ARMC3: variants seen among roughly 807,000 people sequenced by gnomAD.
The protein encoded by ARMC3 is armadillo repeat containing 3, also known as armadillo repeat-containing protein 3.
A neutral mutation model predicts 90.3 loss-of-function variants in ARMC3; 74 were observed. The ratio of observed to expected loss-of-function variants is 0.82; its 90% CI spans 0.68 to 0.99. The LOEUF (loss-of-function observed/expected upper bound fraction) is 0.99, where lower values mean the gene tolerates loss of function less well. ARMC3 is among the 50% of genes least tolerant of loss of function. The pLI, the probability that ARMC3 is intolerant of heterozygous loss-of-function variation, is 0.00. For missense variants in ARMC3, 958 were observed against 1,042.8 expected (o/e 0.92, Z 1.12); for synonymous variants, 334 against 361.8 (o/e 0.92, Z 0.87).
chr10:22,942,458 T>A (rs983298420), intron 2 of ARMC3, among the ~76,000 whole-genome samples: 13 of 152,224 alleles, frequency 8.5e-5, no homozygotes, highest in Non-Finnish European at 1.8e-4. Flanking sequence ...ACACTTCTCT[T>A]CTGCCTAGGA....
In ARMC3 at chr10:22,944,161, G is replaced by C. The variant is rs562251605; in HGVS notation, c.49-1983G>C. ...GAACATCTGAATGACAACCTAGCCA[G>C]ACATAAAATTCCAGAGTCACAATCC... On this transcript the variant is annotated intron_variant, in intron 2 of 18. Transcript: ENST00000298032. Among the ~76,000 whole-genome samples, 83 of 152,250 alleles carry C rather than the reference G, an allele frequency of 5.5e-4. 1 individual carries two copies. The Middle Eastern group carries it at 0.014, about 25-fold the overall frequency.
intron 7 of ARMC3, among the ~76,000 whole-genome samples, chr10:22,962,972 A>G (rs192733286): frequency 1.4e-4 from 21 of 152,302 alleles, no homozygotes; most frequent in Admixed American, 1.2e-3. Context: ...TAGTAACACT[A>G]TATAGTACAC....
intron 13 of ARMC3, among the ~76,000 whole-genome samples, chr10:23,005,211 C>CAAAA (rs35706584): frequency 1.8e-4 from 11 of 60,926 alleles, no homozygotes; most frequent in African/African-American, 2.1e-4. Flanking sequence ...AGACTCGTCT[C>CAAAA]AAAAAAAAAA....
At chr10:22,977,158 A>G (rs1390589816) in intron 8 of ARMC3, among the ~76,000 whole-genome samples, 2 of 152,208 alleles carry the variant, frequency 1.3e-5, no homozygotes, top group African/African-American at 2.4e-5. Context: ...TGTTCTTCAA[A>G]TGGCTAGATT....
intron 16 of ARMC3, among the ~76,000 whole-genome samples, chr10:23,009,499 T>TTTTG (rs1431729510): frequency 6.6e-6 from 1 of 152,078 alleles, no homozygotes; most frequent in African/African-American, 2.4e-5. Flanking sequence ...TTTTGTTTTG[T>TTTTG]TTTGTTTTCT....
intron 1 of ARMC3, among the ~76,000 whole-genome samples, chr10:22,930,798 A>G (rs2131110295): frequency 6.6e-6 from 1 of 152,332 alleles, no homozygotes; most frequent in South Asian, 2.1e-4. Flanking sequence ...AGGCTATGAT[A>G]TACCGTTTAA....
chr10:22,940,945 C>T (rs569454800), intron 2 of ARMC3, among the ~76,000 whole-genome samples: 1 of 152,116 alleles, frequency 6.6e-6, no homozygotes, highest in African/African-American at 2.4e-5. Flanking sequence ...CTTGAAACAA[C>T]CCAGAGGTCT....
At chr10:23,018,917 T>G (rs1280451806) in intron 16 of ARMC3, among the ~76,000 whole-genome samples, 1 of 152,174 alleles carries the variant, frequency 6.6e-6, no homozygotes, top group Non-Finnish European at 1.5e-5. Flanking sequence ...GTGACTCCCC[T>G]GACCCCTGCA....
In ARMC3 at chr10:23,037,589, T is replaced by C. The variant is rs946273717; in HGVS notation, c.*110T>C. On this transcript the variant is annotated 3_prime_UTR_variant, in exon 19 of 19. Transcript: ENST00000298032. The stretch of plus-strand genomic sequence containing the variant: ...TTTAAATAAAAACTTTAAATAAAAG[T>C]ATTAGAAATGTTTTCTCTGCGTAGA... 4.0e-6 allele frequency: 4 copies of C among 992,906 alleles called. No homozygotes were observed. In the African/African-American group the frequency reaches 4.9e-5, roughly 12 times the overall value. The allele number at this position is 992,906 out of a possible 1,614,324, so 61.5% of individuals were successfully genotyped here.
intron 16 of ARMC3, among the ~76,000 whole-genome samples, chr10:23,025,054 A>T (rs1234033862): frequency 6.6e-6 from 1 of 152,168 alleles, no homozygotes; most frequent in Non-Finnish European, 1.5e-5. Context: ...AGACATAATG[A>T]TCTAATGTGT....
chr10:22,997,375 T>C (rs1009470059), intron 10 of ARMC3: 3 of 152,182 alleles, frequency 2.0e-5, no homozygotes, highest in African/African-American at 7.2e-5. Flanking sequence ...TATTCTGTGC[T>C]CTTAAAAGAA....
intron 2 of ARMC3, among the ~76,000 whole-genome samples, chr10:22,945,782 TTTCC>T (rs994273064): frequency 3.2e-4 from 48 of 152,230 alleles, no homozygotes; most frequent in African/African-American, 1.2e-3. Context: ...CCTCTACTCC[TTTCC>T]TTGTTTCTTT....
At chr10:22,959,882 G>A in intron 6 of ARMC3, 1 of 481,042 alleles carries the variant, frequency 2.1e-6, no homozygotes, top group Non-Finnish European at 4.1e-6. Context: ...TGTGGAAACT[G>A]CGCAGCTACT....
At position 22,981,044 on chromosome 10, in the gene ARMC3, A is replaced by G. The variant is rs114730043; in HGVS notation, c.917-296A>G. ...GAACACTGAATACCAGGTCAGGTGC[A>G]TGACAGGTGTTAAATCAGTGCTTGC... On this transcript the variant is annotated intron_variant, in intron 8 of 18. Coordinates refer to ENST00000298032, the MANE Select transcript of ARMC3 (RefSeq NM_173081.5). 2.3e-3 allele frequency among the ~76,000 whole-genome samples: 347 copies of G among 152,344 alleles called. 1 individual carries two copies. Among genetic ancestry groups the G allele is most frequent in the African/African-American group, 8.1e-3 (337 of 41,594 alleles).
intron 2 of ARMC3, among the ~76,000 whole-genome samples, chr10:22,937,529 T>C (rs1485923016): frequency 1.3e-5 from 2 of 152,170 alleles, no homozygotes; most frequent in Admixed American, 6.5e-5. Context: ...GTGGTGAAGA[T>C]GATCTAAGGC....
intron 3 of ARMC3, among the ~76,000 whole-genome samples, chr10:22,954,876 G>C (rs899337289): frequency 1.3e-5 from 2 of 152,032 alleles, no homozygotes; most frequent in Non-Finnish European, 2.9e-5. Flanking sequence ...GATTGTGGAG[G>C]CTGAGAAGTC....
At chr10:22,992,733 AC>A (rs1836765476) in intron 10 of ARMC3, among the ~76,000 whole-genome samples, 2 of 152,154 alleles carry the variant, frequency 1.3e-5, no homozygotes, top group Non-Finnish European at 2.9e-5. Flanking sequence ...TTTAGCAAAC[AC>A]ACTCCACTTC....
intron 2 of ARMC3, among the ~76,000 whole-genome samples, chr10:22,944,048 G>A (rs1413818153): frequency 6.6e-6 from 1 of 151,542 alleles, no homozygotes; most frequent in Admixed American, 6.6e-5. Context: ...TTTATATTTT[G>A]GTCCTCCCAA....
rs1836613207 is a variant in ARMC3 at position 22,989,477 on chromosome 10, T to A, written c.1175+7777T>A. Among the ~76,000 whole-genome samples, 2 of 152,178 alleles carry A rather than the reference T, an allele frequency of 1.3e-5. 1 individual carries two copies. Among genetic ancestry groups the A allele is most frequent in the South Asian group, 4.1e-4 (2 of 4,830 alleles). ...AGTCGATTTTTTGCTCTTGACTTTG[T>A]ATAATAGATTTTGTTTTACATTCTT... On this transcript the variant is annotated intron_variant, in intron 10 of 18. Transcript: ENST00000298032.
Sources: gnomAD v4.1 joint callset for allele counts (sites outside exome capture counted in the v4.1 genomes callset) on GRCh38, gnomAD v4.1.1 for gene constraint, MANE v1.5 for transcripts, NCBI Gene and HGNC (gene_info 2026-07-23, HGNC 2026-07-21) for gene names.